CRHR2: variants seen among roughly 807,000 people sequenced by gnomAD.
CRHR2 encodes corticotropin releasing hormone receptor 2.
In CRHR2, 53 loss-of-function variants were observed where a neutral mutation model predicts 57.9. The observed-to-expected ratio is 0.92, with a 90% CI of 0.73 to 1.15. CRHR2 has a LOEUF of 1.15. Among genes scored for constraint, CRHR2 ranks in the 50% most tolerant of loss-of-function variants. The pLI, the probability that CRHR2 is intolerant of heterozygous loss-of-function variation, is 0.00. For synonymous variants in CRHR2, 213 were observed against 220.9 expected (o/e 0.96, Z 0.32); for missense variants, 532 against 542.6 (o/e 0.98, Z 0.19).
At chr7:30,690,940 G>A (rs1466302028) in intron 1 of CRHR2, among the ~76,000 whole-genome samples, 2 of 152,216 alleles carry the variant, frequency 1.3e-5, no homozygotes, top group African/African-American at 2.4e-5. Flanking sequence ...TGTCAGCCAG[G>A]AGTTCTGGCC....
chr7:30,665,327 T>A lies in CRHR2; in HGVS notation c.426-140A>T. The A allele has an allele frequency of 1.2e-6, 1 of 843,210 alleles. No homozygotes were observed. The highest frequency in any genetic ancestry group is 1.9e-6 in the Non-Finnish European group (1 of 519,566). The allele number at this position is 843,210 out of a possible 1,614,324, so 52.2% of individuals were successfully genotyped here. On this transcript the variant is annotated intron_variant, in intron 4 of 11. Coordinates refer to ENST00000471646, the MANE Select transcript of CRHR2 (RefSeq NM_001883.5). This position sits in a 1 kb window ranked among gnomAD's most constrained non-coding sequence, Gnocchi z 4.5. ...CACTTCCCACCCATGGTGGCCACAG[T>A]TGGGCCTCTGAGTCCAGCTCCCACT... is the stretch of plus-strand genomic sequence containing the variant.
intron 2 of CRHR2, among the ~76,000 whole-genome samples, chr7:30,674,245 C>T (rs1784447514): frequency 6.6e-6 from 1 of 152,216 alleles, no homozygotes; most frequent in South Asian, 2.1e-4. Context: ...ACCCAGCTCA[C>T]TGTGTAAGCT....
chr7:30,690,844 C>G (rs568206970), intron 1 of CRHR2, among the ~76,000 whole-genome samples: 2 of 152,292 alleles, frequency 1.3e-5, no homozygotes, highest in South Asian at 4.1e-4. Context: ...AAACTCCCAC[C>G]CCACGAAGTG....
At chr7:30,669,314 C>T (rs1286030862) in intron 2 of CRHR2, among the ~76,000 whole-genome samples, 1 of 152,188 alleles carries the variant, frequency 6.6e-6, no homozygotes, top group Non-Finnish European at 1.5e-5. Context: ...GCCTGAGCCC[C>T]ACACTCCAGC....
intron 2 of CRHR2, among the ~76,000 whole-genome samples, chr7:30,673,313 G>A (rs1017142295): frequency 1.3e-5 from 2 of 151,980 alleles, no homozygotes; most frequent in South Asian, 4.2e-4. Flanking sequence ...ATACTCAAGT[G>A]ATCCTCCTGC....
At chr7:30,670,609 C>T (rs78096783) in intron 2 of CRHR2, among the ~76,000 whole-genome samples, 201 of 152,366 alleles carry the variant, frequency 1.3e-3, no homozygotes, top group African/African-American at 4.6e-3. Context: ...ATGTGCCCCA[C>T]TCTTCAGGGG....
intron 1 of CRHR2, among the ~76,000 whole-genome samples, chr7:30,693,631 T>C (rs1785000608): frequency 6.6e-6 from 1 of 152,228 alleles, no homozygotes; most frequent in South Asian, 2.1e-4. Flanking sequence ...GAGAGGGTCA[T>C]GGGAACTCTT....
chr7:30,659,548 T>A (rs1262756978), intron 8 of CRHR2, among the ~76,000 whole-genome samples: 1 of 152,120 alleles, frequency 6.6e-6, no homozygotes, highest in African/African-American at 2.4e-5. Context: ...TACTAGCTGC[T>A]GACAAAACCT....
At chr7:30,668,585 G>A (rs1784258207) in intron 2 of CRHR2, among the ~76,000 whole-genome samples, 1 of 152,202 alleles carries the variant, frequency 6.6e-6, no homozygotes, top group African/African-American at 2.4e-5. Flanking sequence ...AGTGTGTTCT[G>A]AAATAATTAA....
rs962228948 is a variant in CRHR2, at chr7:30,667,132, A to G, written c.315+96T>C. The G allele has an allele frequency of 2.7e-5, 30 of 1,098,392 alleles. No homozygotes were observed. The African/African-American group carries it at 3.4e-4, about 12-fold the overall frequency. 68.0% of individuals were successfully genotyped at this position (1,098,392 alleles called of 1,614,324 possible). On this transcript the variant is annotated intron_variant, in intron 3 of 11. Transcript: ENST00000471646. ...TACAGAAGGGAGTGACTGGGTGACA[A>G]AAGGACTGGTCTGCCCCCCTTGGGA...
chr7:30,656,579 G>T lies in CRHR2; in HGVS notation c.832-567C>A, dbSNP rs1783799938. ...CCCAGGAACTCCAGAGCCTTCGTAG[G>T]CACCCTAGACAGGGAAGATGGATGG... On this transcript the variant is annotated intron_variant, in intron 8 of 11. Coordinates refer to ENST00000471646, the MANE Select transcript of CRHR2 (RefSeq NM_001883.5). The surrounding 1 kb of genome is among the most constrained non-coding windows in gnomAD (Gnocchi z 4.4). Among the ~76,000 whole-genome samples, 1 of 152,322 alleles carries T rather than the reference G, an allele frequency of 6.6e-6. No homozygotes were observed. The highest frequency in any genetic ancestry group is 6.5e-5 in the Admixed American group (1 of 15,306).
At chr7:30,697,557 T>C (rs1785082284) in intron 1 of CRHR2, among the ~76,000 whole-genome samples, 1 of 152,058 alleles carries the variant, frequency 6.6e-6, no homozygotes, top group Non-Finnish European at 1.5e-5. Flanking sequence ...GGGTCAAGGC[T>C]GGGTGGGTTC....
intron 8 of CRHR2, among the ~76,000 whole-genome samples, chr7:30,660,213 G>T (rs1398580271): frequency 6.6e-6 from 1 of 152,152 alleles, no homozygotes; most frequent in East Asian, 1.9e-4. Flanking sequence ...GGTCTGGAAT[G>T]AACAGAAGCC....
intron 1 of CRHR2, among the ~76,000 whole-genome samples, chr7:30,696,251 T>A (rs531663644): frequency 6.6e-6 from 1 of 152,310 alleles, no homozygotes; most frequent in South Asian, 2.1e-4. Flanking sequence ...AATTTAATTG[T>A]ACATTTAAAA....
chr7:30,660,040 A>G (rs922641817), intron 8 of CRHR2, among the ~76,000 whole-genome samples: 4 of 152,216 alleles, frequency 2.6e-5, no homozygotes, highest in Non-Finnish European at 4.4e-5. Flanking sequence ...TTGTGGATTA[A>G]AGATGTGTGG....
intron 1 of CRHR2, among the ~76,000 whole-genome samples, chr7:30,695,236 G>A (rs1785034652): frequency 6.6e-6 from 1 of 152,090 alleles, no homozygotes; most frequent in Admixed American, 6.5e-5. Context: ...AGGCTCCTTG[G>A]AAGAGGAGAC....
upstream of CRHR2, among the ~76,000 whole-genome samples, chr7:30,683,345 G>C (rs1210973190): frequency 6.6e-6 from 1 of 152,216 alleles, no homozygotes. Context: ...CCAGTAGCGG[G>C]GCAGGGGCGG....
intron 2 of CRHR2, among the ~76,000 whole-genome samples, chr7:30,679,633 G>A (rs1784631327): frequency 6.6e-6 from 1 of 152,110 alleles, no homozygotes; most frequent in Non-Finnish European, 1.5e-5. Flanking sequence ...GCTCTCTAAG[G>A]AATGAGGCTT....
intron 1 of CRHR2, among the ~76,000 whole-genome samples, chr7:30,695,384 T>G (rs1785036861): frequency 6.6e-6 from 1 of 152,088 alleles, no homozygotes; most frequent in Non-Finnish European, 1.5e-5. Flanking sequence ...GCCCCACTCT[T>G]CCTTCCCAGT....
Sources: gnomAD v4.1 joint callset for allele counts (sites outside exome capture counted in the v4.1 genomes callset) on GRCh38, gnomAD v4.1.1 for gene constraint, Gnocchi (gnomAD v3.1) non-coding constraint, MANE v1.5 for transcripts, NCBI Gene and HGNC (gene_info 2026-07-23, HGNC 2026-07-21) for gene names.